Variants in CCL19 observed in about 807,000 individuals in gnomAD.
The protein encoded by CCL19 is C-C motif chemokine 19.
In CCL19, 5 loss-of-function variants were observed where a neutral mutation model predicts 9.7. That is an observed-to-expected ratio of 0.51 (90% CI 0.27 to 1.08). The LOEUF (loss-of-function observed/expected upper bound fraction) is 1.08, where lower values mean the gene tolerates loss of function less well. Among genes scored for constraint, CCL19 ranks in the 50% least tolerant of loss-of-function variants. The probability of loss-of-function intolerance (pLI) is 0.12; values close to 1 mark genes in which losing one functional copy is unlikely to be tolerated. For missense variants in CCL19, 90 were observed against 122.5 expected (o/e 0.73, Z 1.25); for synonymous variants, 40 against 47.4 (o/e 0.84, Z 0.64).
intron 1 of CCL19, 40 bp from the exon 2 acceptor site, chr9:34,690,382 T>C (rs1024483141): frequency 1.9e-6 from 3 of 1,605,442 alleles, no homozygotes; most frequent in East Asian, 2.2e-5. Context: ...CAGGGACCCT[T>C]GAGGGTGGCA....
At chr9:34,691,042 A>G in intron 1 of CCL19, 49 bp downstream of exon 1, 2 of 1,508,096 alleles carry the variant, frequency 1.3e-6, no homozygotes, top group South Asian at 2.4e-5. Flanking sequence ...GACATTACCC[A>G]CTGCCAGCCC....
At chr9:34,690,566 A>T (rs1821782431) in intron 1 of CCL19, among the ~76,000 whole-genome samples, 1 of 151,762 alleles carries the variant, frequency 6.6e-6, no homozygotes, top group Admixed American at 6.6e-5. Context: ...TCATACTTCT[A>T]AACTGTTTTG....
At position 34,690,266 on chromosome 9, in the gene CCL19, G is replaced by T. The variant is rs1041615506; in HGVS notation, c.126C>A (p.Ile42=). 1.2e-6 allele frequency: 2 copies of T among 1,613,948 alleles called. No homozygotes were observed. ...TGAGAAGGTAGTGGAAGTTCCTCAC[G>T]ATGTACCCAGGGATGGGTTTCTGGG... is the stretch of plus-strand genomic sequence containing the variant. The part of the protein sequence containing the change: ...SVTQKPIPGY[I]VRNFHYLLIK... The change falls in exon 2 of 4, where the codon ATC becomes ATA. Residue 42 remains isoleucine, a synonymous_variant. Transcript: ENST00000311925.
Position 34,690,235 on chromosome 9 carries a change from C to G in CCL19, c.157G>C (p.Asp53His). 1.2e-6 allele frequency: 2 copies of G among 1,614,148 alleles called. No homozygotes were observed. Among genetic ancestry groups the G allele is most frequent in the Non-Finnish European group, 1.7e-6 (2 of 1,180,036 alleles). ...ACTACAGCAGGCACCCTGCAGCCATCCTTGATGAGAAGGTAGTGGAAGTTC... is the reference window on the plus strand; with the variant it reads ...ACTACAGCAGGCACCCTGCAGCCATGCTTGATGAGAAGGTAGTGGAAGTTC... ...VRNFHYLLIKDGCRVPAVVFT... is the reference protein window; with the variant it reads ...VRNFHYLLIKHGCRVPAVVFT... Residue 53 changes from aspartate to histidine, a missense_variant, in exon 2 of 4, where the codon GAT becomes CAT. By Grantham distance (81) the Asp-to-His change is moderately conservative. Coordinates refer to ENST00000311925, the MANE Select transcript of CCL19 (RefSeq NM_006274.3).
intron 2 of CCL19, 77 bp from the exon 3 acceptor site, chr9:34,690,100 G>A (rs1821776694): frequency 6.3e-7 from 1 of 1,588,284 alleles, no homozygotes; most frequent in Non-Finnish European, 8.6e-7. Context: ...CCTGTTTCAG[G>A]GATTTCCTTG....
chr9:34,691,104 G>T lies in CCL19; in HGVS notation c.36C>A (p.Leu12=). ...ALLLALSLLV[L]WTSPAPTLSG... ...CTTCAGCCTTACCTGGGGAAGTCCA[G>T]AGAACCAGCAGGCTGAGGGCCAGTA... Residue 12 remains leucine (L), a synonymous_variant, in exon 1 of 4, where the codon CTC becomes CTA. Transcript: ENST00000311925. 1 of 1,612,090 alleles carries T rather than the reference G, an allele frequency of 6.2e-7. No homozygotes were observed. Among genetic ancestry groups the T allele is most frequent in the Middle Eastern group, 1.7e-4 (1 of 6,058 alleles).
intron 1 of CCL19, 29 bp from the exon 2 acceptor site, chr9:34,690,371 A>G: frequency 6.2e-7 from 1 of 1,610,816 alleles, no homozygotes; most frequent in Non-Finnish European, 8.5e-7. Context: ...GTGACAGGAC[A>G]CAGGGACCCT....
chr9:34,691,209 T>C lies in CCL19; in HGVS notation c.-70A>G. ...GCTGTCTGGGTGTGTGCAGGATCTG[T>C]GTGAGGCTGCAGGGCGACTGGGATG... On this transcript the variant is annotated 5_prime_UTR_variant, in exon 1 of 4. Coordinates refer to ENST00000311925, the MANE Select transcript of CCL19 (RefSeq NM_006274.3). 1.4e-6 allele frequency: 2 copies of C among 1,440,356 alleles called. No individual in the cohort carries two copies. The highest frequency in any genetic ancestry group is 1.2e-5 in the South Asian group (1 of 84,356). The allele number at this position is 1,440,356 out of a possible 1,614,324, so 89.2% of individuals were successfully genotyped here. A position where few individuals can be genotyped will look rare whatever the true frequency, so the allele number is the denominator to read the frequency against.
rs146255999 is a variant in CCL19 at position 34,689,833 on chromosome 9, G to A, written c.283C>T (p.Arg95Cys). 401 of 1,614,128 alleles carry A rather than the reference G, an allele frequency of 2.5e-4. No homozygotes were observed. In the African/African-American group the frequency reaches 4.1e-3, roughly 17 times the overall value. Reference sequence around the variant, plus strand: ...ACGGTCATAGGTTAACTGCTGCGGCGCTTCATCTAGAGGAGGAAGGAGAGG... The same window carrying A: ...ACGGTCATAGGTTAACTGCTGCGGCACTTCATCTAGAGGAGGAAGGAGAGG... The part of the protein sequence containing the change: ...RLQRTSAKMK[R>C]RSS Residue 95 changes from arginine to cysteine, a missense_variant, in exon 4 of 4, where the codon CGC becomes TGC. By Grantham distance (180) the Arg-to-Cys change is radical. Coordinates refer to ENST00000311925, the MANE Select transcript of CCL19 (RefSeq NM_006274.3). The surrounding 1 kb of genome is among the most constrained non-coding windows in gnomAD (Gnocchi z 4.1).
At position 34,691,260 on chromosome 9, in the gene CCL19, G is replaced by A; in HGVS notation, c.-121C>T. 1 of 744,068 alleles carries A rather than the reference G, an allele frequency of 1.3e-6. No homozygotes were observed. The highest frequency in any genetic ancestry group is 2.2e-6 in the Non-Finnish European group (1 of 448,566). The allele number at this position is 744,068 out of a possible 1,614,324, so 46.1% of individuals were successfully genotyped here. ...CAGGGGTGAAATGCAAGGTGTGAGT[G>A]ATGTGAGGCTGGGAATGTGAGCCCT... On this transcript the variant is annotated 5_prime_UTR_variant, in exon 1 of 4. Coordinates refer to ENST00000311925, the MANE Select transcript of CCL19 (RefSeq NM_006274.3).
Position 34,689,968 on chromosome 9 carries a change from C to G in CCL19, c.238G>C (p.Glu80Gln). 6.2e-7 allele frequency: 1 copy of G among 1,614,124 alleles called. No individual in the cohort carries two copies. The highest frequency in any genetic ancestry group is 8.5e-7 in the Non-Finnish European group (1 of 1,180,014). ...LCAPPDQPWV[E>Q]RIIQRLQRTS... The stretch of plus-strand genomic sequence containing the variant: ...CTCTGCAGTCTCTGGATGATGCGTT[C>G]TACCCAGGGCTGGTCTGGGGGTGCA... The change falls in exon 3 of 4, where the codon GAA (glutamate) becomes CAA (glutamine). Residue 80 changes from glutamate to glutamine, a missense_variant. By Grantham distance (29) the Glu-to-Gln change is conservative. Coordinates refer to ENST00000311925, the MANE Select transcript of CCL19 (RefSeq NM_006274.3). This position sits in a 1 kb window ranked among gnomAD's most constrained non-coding sequence, Gnocchi z 4.1.
In CCL19 at chr9:34,689,626, G is replaced by T; in HGVS notation, c.*193C>A. 1.6e-6 allele frequency: 1 copy of T among 637,244 alleles called. No homozygotes were observed. The highest frequency in any genetic ancestry group is 2.8e-6 in the Non-Finnish European group (1 of 361,862). The allele number at this position is 637,244 out of a possible 1,614,324, so 39.5% of individuals were successfully genotyped here. ...AGCATTGCAATCTGGGGGTGGAGCA[G>T]CTTTACTCTGACCACACTCACCCTC... is the stretch of plus-strand genomic sequence containing the variant. On this transcript the variant is annotated 3_prime_UTR_variant, in exon 4 of 4. Coordinates refer to ENST00000311925, the MANE Select transcript of CCL19 (RefSeq NM_006274.3). This position sits in a 1 kb window ranked among gnomAD's most constrained non-coding sequence, Gnocchi z 4.1.
intron 1 of CCL19, among the ~76,000 whole-genome samples, chr9:34,690,692 G>A (rs1045483298): frequency 4.6e-5 from 7 of 152,042 alleles, no homozygotes; most frequent in Non-Finnish European, 7.4e-5. Context: ...GTGTGGGAGG[G>A]GCGTGGGGTA....
rs1244225959 is a variant in CCL19 at position 34,691,244 on chromosome 9, A to G, written c.-105T>C. The G allele has an allele frequency of 5.4e-6, 5 of 934,426 alleles. No homozygotes were observed. The highest frequency in any genetic ancestry group is 8.3e-6 in the Non-Finnish European group (5 of 599,392). 57.9% of individuals were successfully genotyped at this position (934,426 alleles called of 1,614,324 possible). Reference sequence around the variant, plus strand: ...CAGGGCGACTGGGATGCAGGGGTGAAATGCAAGGTGTGAGTGATGTGAGGC... The same window carrying G: ...CAGGGCGACTGGGATGCAGGGGTGAGATGCAAGGTGTGAGTGATGTGAGGC... On this transcript the variant is annotated 5_prime_UTR_variant, in exon 1 of 4. Coordinates refer to ENST00000311925, the MANE Select transcript of CCL19 (RefSeq NM_006274.3).
Position 34,689,703 on chromosome 9 carries a change from G to A in CCL19, c.*116C>T. ...CCCAGGCCCTGTCCTGGCTGGTCAG[G>A]TCTGGTGCAGAGGAGCTGGAAGCCT... On this transcript the variant is annotated 3_prime_UTR_variant, in exon 4 of 4. Transcript: ENST00000311925. This position sits in a 1 kb window ranked among gnomAD's most constrained non-coding sequence, Gnocchi z 4.1. 1 of 1,231,400 alleles carries A rather than the reference G, an allele frequency of 8.1e-7. No homozygotes were observed. The highest frequency in any genetic ancestry group is 1.2e-6 in the Non-Finnish European group (1 of 848,426). The allele number at this position is 1,231,400 out of a possible 1,614,324, so 76.3% of individuals were successfully genotyped here. A position where few individuals can be genotyped will look rare whatever the true frequency, so the allele number is the denominator to read the frequency against.
chr9:34,691,258 G>C lies in CCL19; in HGVS notation c.-119C>G, dbSNP rs1260913679. ...TGCAGGGGTGAAATGCAAGGTGTGAGTGATGTGAGGCTGGGAATGTGAGCC... is the reference window on the plus strand; with the variant it reads ...TGCAGGGGTGAAATGCAAGGTGTGACTGATGTGAGGCTGGGAATGTGAGCC... On this transcript the variant is annotated 5_prime_UTR_variant, in exon 1 of 4. Coordinates refer to ENST00000311925, the MANE Select transcript of CCL19 (RefSeq NM_006274.3). 3 of 756,446 alleles carry C rather than the reference G, an allele frequency of 4.0e-6. No individual in the cohort carries two copies. The highest frequency in any genetic ancestry group is 6.6e-6 in the Non-Finnish European group (3 of 456,530). The allele number at this position is 756,446 out of a possible 1,614,324, so 46.9% of individuals were successfully genotyped here. A position where few individuals can be genotyped will look rare whatever the true frequency, so the allele number is the denominator to read the frequency against.
intron 1 of CCL19, 122 bp from the exon 2 acceptor site, chr9:34,690,464 GTGTGTC>G: frequency 2.2e-6 from 2 of 913,702 alleles, no homozygotes; most frequent in Non-Finnish European, 3.3e-6. Context: ...GTGTGTGTGT[GTGTGTC>G]TGGTGGGGTC....
chr9:34,690,424 C>CTGTGTATGTGTGTG (rs1821780448), intron 1 of CCL19, 82 bp from the exon 2 acceptor site: 1 of 572,118 alleles, frequency 1.7e-6, no homozygotes, highest in Non-Finnish European at 2.9e-6. Context: ...TTGAGGACAC[C>CTGTGTATGTGTGTG]TGTGTGTGTG....
Position 34,689,669 on chromosome 9 carries a change from C to G in CCL19, c.*150G>C, listed in dbSNP as rs1024904129. 7 of 845,080 alleles carry G rather than the reference C, an allele frequency of 8.3e-6. No individual in the cohort carries two copies. The African/African-American group carries it at 1.2e-4, about 14-fold the overall frequency. The allele number at this position is 845,080 out of a possible 1,614,324, so 52.3% of individuals were successfully genotyped here. On this transcript the variant is annotated 3_prime_UTR_variant, in exon 4 of 4. Coordinates refer to ENST00000311925, the MANE Select transcript of CCL19 (RefSeq NM_006274.3). This position sits in a 1 kb window ranked among gnomAD's most constrained non-coding sequence, Gnocchi z 4.1. ...TCACCCTCTCGCTCACACTCACACTCACACACACCCCAGGCCCTGTCCTGG... is the reference window on the plus strand; with the variant it reads ...TCACCCTCTCGCTCACACTCACACTGACACACACCCCAGGCCCTGTCCTGG...
Sources: allele counts gnomAD v4.1 joint callset (sites outside exome capture counted in the v4.1 genomes callset), GRCh38; gene constraint gnomAD v4.1.1; non-coding constraint Gnocchi (gnomAD v3.1); transcripts MANE v1.5; gene names NCBI Gene and HGNC (gene_info 2026-07-23, HGNC 2026-07-21).